The following MAPK10 variants were observed in gnomAD, a reference collection of about 807,000 sequenced individuals.
The protein encoded by MAPK10 is JNK3 alpha protein kinase.
Under a neutral mutation model 59.3 loss-of-function variants are expected in MAPK10, and 25 were observed. The ratio of observed to expected loss-of-function variants is 0.42; its 90% CI spans 0.31 to 0.59. The LOEUF (loss-of-function observed/expected upper bound fraction) is 0.59. Ranked by LOEUF, MAPK10 falls within the 20% of genes least tolerant of loss-of-function variation. The pLI, the probability that MAPK10 is intolerant of heterozygous loss-of-function variation, is 0.15. For missense variants in MAPK10, 351 were observed against 568.9 expected, an observed-to-expected ratio of 0.62 and a Z score of 3.90; for synonymous variants, 190 against 200.5, an observed-to-expected ratio of 0.95 and a Z score of 0.44.
intron 11 of MAPK10, among the ~76,000 whole-genome samples, chr4:86,034,364 T>C (rs2039737847): frequency 6.6e-6 from 1 of 152,224 alleles, no homozygotes; most frequent in South Asian, 2.1e-4. Context: ...ATTAGACACA[T>C]TTTTATTGAT....
chr4:86,077,248 T>A (rs2049687334), intron 9 of MAPK10, among the ~76,000 whole-genome samples: 1 of 152,102 alleles, frequency 6.6e-6, no homozygotes, highest in Non-Finnish European at 1.5e-5. Context: ...GTATCTGAAA[T>A]CCTAAGATTG....
At chr4:86,292,317 T>A (rs1235068433) in intron 2 of MAPK10, among the ~76,000 whole-genome samples, 1 of 152,298 alleles carries the variant, frequency 6.6e-6, no homozygotes, top group East Asian at 1.9e-4. Flanking sequence ...CACAAATTCT[T>A]AAGATGATGA....
intron 11 of MAPK10, among the ~76,000 whole-genome samples, chr4:86,055,167 T>C (rs1041294606): frequency 1.3e-5 from 2 of 152,164 alleles, no homozygotes; most frequent in South Asian, 2.1e-4. Flanking sequence ...CTTGGACTAA[T>C]TGTCAAGTTT....
At chr4:86,113,965 T>G (rs1179573882) in intron 4 of MAPK10, among the ~76,000 whole-genome samples, 1 of 152,208 alleles carries the variant, frequency 6.6e-6, no homozygotes, top group African/African-American at 2.4e-5. Flanking sequence ...AGCAAGATAG[T>G]CTTCAGGCTC....
At chr4:86,482,446 T>C (rs929098320) in intron 1 of MAPK10, among the ~76,000 whole-genome samples, 16 of 152,176 alleles carry the variant, frequency 1.1e-4, no homozygotes, top group Admixed American at 6.6e-4. Flanking sequence ...CCTTTTCATC[T>C]TGCTCTTTTT....
intron 1 of MAPK10, among the ~76,000 whole-genome samples, chr4:86,398,707 C>A (rs2149015526): frequency 6.6e-6 from 1 of 152,226 alleles, no homozygotes; most frequent in Middle Eastern, 3.4e-3. Flanking sequence ...TCCTGTCACC[C>A]AGGTAGTGAG....
chr4:86,203,763 C>T (rs2083182809), intron 2 of MAPK10, among the ~76,000 whole-genome samples: 1 of 150,918 alleles, frequency 6.6e-6, no homozygotes, highest in Admixed American at 6.6e-5. Flanking sequence ...TCTGTCTCTT[C>T]CATGTTCAAA....
chr4:86,386,090 G>A (rs1222688928), intron 1 of MAPK10, among the ~76,000 whole-genome samples: 1 of 152,166 alleles, frequency 6.6e-6, no homozygotes, highest in East Asian at 1.9e-4. Context: ...CTAATTACGT[G>A]TTTAAAATGT....
intron 1 of MAPK10, among the ~76,000 whole-genome samples, chr4:86,423,560 A>G (rs1442914670): frequency 6.6e-6 from 1 of 152,012 alleles, no homozygotes; most frequent in Non-Finnish European, 1.5e-5. Flanking sequence ...GTTACAGAAG[A>G]AAGTGTAGAC....
At chr4:86,436,460 G>T (rs1748728162) in intron 1 of MAPK10, among the ~76,000 whole-genome samples, 1 of 152,162 alleles carries the variant, frequency 6.6e-6, no homozygotes, top group Non-Finnish European at 1.5e-5. Context: ...TGACAAGACA[G>T]CAAACACATG....
In MAPK10 at chr4:86,554,099, G is replaced by A. The variant is rs145811958; in HGVS notation, c.-263+39811C>T. On this transcript the variant is annotated intron_variant, in intron 1 of 4. Coordinates refer to the MAPK10 transcript ENST00000502302. ...GAAGGCAGGACGAGGGGGTAGTCAT[G>A]GGCCTTTAACGGGAAAGATTTGAAC... is the stretch of plus-strand genomic sequence containing the variant. Among the ~76,000 whole-genome samples the A allele has an allele frequency of 1.0e-3, 156 of 152,134 alleles. 2 individuals carry two copies. The East Asian group carries it at 0.022, about 22-fold the overall frequency.
At chr4:86,414,161 ACAACCATTC>A (rs1745559771) in intron 1 of MAPK10, among the ~76,000 whole-genome samples, 2 of 152,222 alleles carry the variant, frequency 1.3e-5, no homozygotes, top group South Asian at 4.2e-4. Flanking sequence ...AATCATCCTA[ACAACCATTC>A]TACCCCTCAT....
At chr4:86,171,502 G>T (rs930827716) in intron 3 of MAPK10, among the ~76,000 whole-genome samples, 15 of 152,046 alleles carry the variant, frequency 9.9e-5, no homozygotes, top group African/African-American at 3.4e-4. Context: ...AACAAATGGT[G>T]CTGGGGAAAC....
At chr4:86,248,071 G>T (rs925281711) in intron 2 of MAPK10, among the ~76,000 whole-genome samples, 2 of 152,070 alleles carry the variant, frequency 1.3e-5, no homozygotes, top group African/African-American at 4.8e-5. Context: ...TGTTTCTTTG[G>T]TTTTTGCATT....
intron 2 of MAPK10, among the ~76,000 whole-genome samples, chr4:86,223,608 C>T (rs569875648): frequency 2.0e-5 from 3 of 152,160 alleles, no homozygotes; most frequent in African/African-American, 7.2e-5. Flanking sequence ...CCCGGAACCT[C>T]GGGCCATTTC....
chr4:86,269,278 A>T (rs1009265160), intron 2 of MAPK10, among the ~76,000 whole-genome samples: 6 of 152,190 alleles, frequency 3.9e-5, no homozygotes, highest in African/African-American at 1.4e-4. Flanking sequence ...TTGCCCTGTC[A>T]TTATGACATA....
At chr4:86,312,966 C>T (rs549050403) in intron 2 of MAPK10, among the ~76,000 whole-genome samples, 12 of 152,088 alleles carry the variant, frequency 7.9e-5, no homozygotes, top group Non-Finnish European at 1.3e-4. Context: ...TATTGTTTTT[C>T]GCAAGTATAT....
intron 2 of MAPK10, among the ~76,000 whole-genome samples, chr4:86,222,264 A>G (rs2089798674): frequency 6.6e-6 from 1 of 152,196 alleles, no homozygotes; most frequent in Non-Finnish European, 1.5e-5. Flanking sequence ...TTCTTCATTT[A>G]TAGAGGATGA....
intron 1 of MAPK10, among the ~76,000 whole-genome samples, chr4:86,412,170 G>A (rs947105971): frequency 6.6e-6 from 1 of 152,122 alleles, no homozygotes; most frequent in African/African-American, 2.4e-5. Flanking sequence ...GCTTAGTTTG[G>A]CTGGATATGA....
Sources: gnomAD v4.1 joint callset for allele counts (sites outside exome capture counted in the v4.1 genomes callset) on GRCh38, gnomAD v4.1.1 for gene constraint, MANE v1.5 for transcripts, NCBI Gene and HGNC (gene_info 2026-07-23, HGNC 2026-07-21) for gene names.